Variants in FAM120B observed in about 807,000 individuals in gnomAD.
The protein encoded by FAM120B is family with sequence similarity 120 member B, also known as constitutive coactivator of peroxisome proliferator-activated receptor gamma.
Under a neutral mutation model 96.3 loss-of-function variants are expected in FAM120B, and 83 were observed. The observed-to-expected ratio is 0.86, with a 90% CI of 0.72 to 1.03. The LOEUF is 1.03. Ranked by LOEUF, FAM120B falls within the 50% of genes least tolerant of loss-of-function variation. The pLI, the probability that FAM120B is intolerant of heterozygous loss-of-function variation, is 0.00. For synonymous variants in FAM120B, 407 were observed against 402.7 expected, an observed-to-expected ratio of 1.01 and a Z score of -0.13; for missense variants, 1,027 against 1,121.2, an observed-to-expected ratio of 0.92 and a Z score of 1.20.
At chr6:170,320,171 A>G (rs538221489) in intron 2 of FAM120B, among the ~76,000 whole-genome samples, 43 of 152,310 alleles carry the variant, frequency 2.8e-4, no homozygotes, top group African/African-American at 9.9e-4. Context: ...TCCCAGCACT[A>G]TGAGCACCAC....
intron 3 of FAM120B, among the ~76,000 whole-genome samples, chr6:170,326,535 G>A (rs2115050313): frequency 6.6e-6 from 1 of 152,278 alleles, no homozygotes; most frequent in South Asian, 2.1e-4. Flanking sequence ...ATGAGGGGTT[G>A]GCACACTTTT....
intron 6 of FAM120B, among the ~76,000 whole-genome samples, chr6:170,368,646 G>A (rs1788953027): frequency 6.6e-6 from 1 of 152,176 alleles, no homozygotes; most frequent in Admixed American, 6.5e-5. Context: ...TCATTATTGG[G>A]CACTCAATAA....
At chr6:170,322,433 G>A (rs1785353279) in intron 2 of FAM120B, among the ~76,000 whole-genome samples, 1 of 152,188 alleles carries the variant, frequency 6.6e-6, no homozygotes. Context: ...TGTAAAGTGG[G>A]AGGCTGGGAA....
chr6:170,341,102 C>G (rs1786792623), intron 4 of FAM120B, among the ~76,000 whole-genome samples: 1 of 152,232 alleles, frequency 6.6e-6, no homozygotes, highest in Non-Finnish European at 1.5e-5. Context: ...AAGCTGCACC[C>G]ACAGCAGCCC....
upstream of FAM120B, among the ~76,000 whole-genome samples, chr6:170,293,447 C>A (rs1273936910): frequency 2.0e-5 from 3 of 152,126 alleles, no homozygotes; most frequent in African/African-American, 7.2e-5. Flanking sequence ...AAATCTCTAA[C>A]AAACCCCCCT....
intron 3 of FAM120B, among the ~76,000 whole-genome samples, chr6:170,324,321 T>G (rs1007594174): frequency 6.6e-6 from 1 of 152,198 alleles, no homozygotes; most frequent in Non-Finnish European, 1.5e-5. Flanking sequence ...CCATACATAC[T>G]GCAAGAGTTC....
intron 4 of FAM120B, among the ~76,000 whole-genome samples, chr6:170,334,660 C>T (rs930056435): frequency 2.6e-5 from 4 of 152,126 alleles, no homozygotes; most frequent in Admixed American, 6.6e-5. Flanking sequence ...GAAACTGCCC[C>T]GACCATTGCA....
At chr6:170,368,819 C>CCG (rs146799172) in intron 6 of FAM120B, among the ~76,000 whole-genome samples, 9 of 26,124 alleles carry the variant, frequency 3.4e-4, no homozygotes, top group African/African-American at 6.0e-4. Context: ...TCTGCCGGGG[C>CCG]TGGGGGGGGG....
In FAM120B at chr6:170,358,278, G is replaced by A. The variant is rs1314161259; in HGVS notation, c.2243G>A (p.Cys748Tyr). The change falls in exon 6 of 11, where the codon TGC becomes TAC. Residue 748 changes from cysteine to tyrosine, a missense_variant. By Grantham distance (194) the Cys-to-Tyr change is radical (BLOSUM62 -2). Around this residue, in one of 3 missense-constraint regions of FAM120B, gnomAD observed 880 missense variants for 980.9 expected, o/e 0.90. Coordinates refer to ENST00000476287, the MANE Select transcript of FAM120B (RefSeq NM_032448.3). ...DLHAFIAQAL[C>Y]LQGKSTSQLV... ...CATGCGTTTATTGCGCAGGCCTTGT[G>A]CCTCCAAGGAAAATCCACCTCGCAG... is the stretch of plus-strand genomic sequence containing the variant. 2 of 1,607,322 alleles carry A rather than the reference G, an allele frequency of 1.2e-6. No individual in the cohort carries two copies.
intron 6 of FAM120B, among the ~76,000 whole-genome samples, chr6:170,362,042 C>A (rs779110353): frequency 6.6e-6 from 1 of 152,192 alleles, no homozygotes; most frequent in Non-Finnish European, 1.5e-5. Context: ...GATCTACTCA[C>A]CTCAGCCTCT....
chr6:170,369,063 A>C (rs1294357270), intron 6 of FAM120B, among the ~76,000 whole-genome samples: 6 of 152,126 alleles, frequency 3.9e-5, no homozygotes, highest in Admixed American at 3.9e-4. Context: ...AGAAATAGAA[A>C]TCTTGAATGT....
chr6:170,323,898 AG>A (rs1222948143), intron 3 of FAM120B, among the ~76,000 whole-genome samples: 7 of 152,202 alleles, frequency 4.6e-5, no homozygotes, highest in Non-Finnish European at 7.3e-5. Context: ...GGAGTGTGGA[AG>A]AACACTTCAT....
intron 9 of FAM120B, 97 bp downstream of exon 9, chr6:170,395,676 G>A (rs982364082): frequency 4.9e-6 from 4 of 815,674 alleles, no homozygotes; most frequent in Non-Finnish European, 8.2e-6. Context: ...TTTCAGAAAG[G>A]TTGTATAGTT....
intron 6 of FAM120B, among the ~76,000 whole-genome samples, chr6:170,377,327 G>A (rs1789604909): frequency 1.4e-5 from 2 of 142,146 alleles, no homozygotes; most frequent in Non-Finnish European, 3.0e-5. Context: ...ACAGGCTCAC[G>A]CTGCTCGGTG....
chr6:170,398,939 A>G (rs28492085), intron 9 of FAM120B, among the ~76,000 whole-genome samples: 677 of 109,906 alleles, frequency 6.2e-3, no homozygotes, highest in African/African-American at 0.012. Flanking sequence ...GGAGTGAGTG[A>G]GAAAGGTAGA....
chr6:170,403,915 G>A (rs1223109833), intron 9 of FAM120B, among the ~76,000 whole-genome samples: 1 of 152,192 alleles, frequency 6.6e-6, no homozygotes, highest in African/African-American at 2.4e-5. Context: ...GGAGGGGAGA[G>A]ACCCAGGCTG....
In FAM120B at chr6:170,404,631, A is replaced by C. The variant is rs776762199; in HGVS notation, c.*11+30A>C. 8.0e-6 allele frequency: 12 copies of C among 1,503,600 alleles called. No individual in the cohort carries two copies. In the East Asian group the frequency reaches 2.7e-4, roughly 34 times the overall value. The allele number at this position is 1,503,600 out of a possible 1,614,324, so 93.1% of individuals were successfully genotyped here. ...GTTCATCACCTGCATCTCCAGAAGA[A>C]ATCAGTCACATGTCTGTCTTAATAA... On this transcript the variant is annotated intron_variant, in intron 10 of 10. Transcript: ENST00000476287.
At chr6:170,304,457 C>T (rs182938549), upstream of FAM120B, among the ~76,000 whole-genome samples, 23 of 152,334 alleles carry the variant, frequency 1.5e-4, no homozygotes, top group Admixed American at 5.2e-4. Context: ...CCTTTCGATA[C>T]GAGAATGTAT....
At chr6:170,351,229 G>A (rs1283700007) in intron 5 of FAM120B, among the ~76,000 whole-genome samples, 2 of 152,130 alleles carry the variant, frequency 1.3e-5, no homozygotes, top group Non-Finnish European at 2.9e-5. Flanking sequence ...AATTAAGATA[G>A]GCAGACAAGA....
Sources: allele counts gnomAD v4.1 joint callset (sites outside exome capture counted in the v4.1 genomes callset), GRCh38; gene constraint gnomAD v4.1.1; regional missense constraint gnomAD v4.1.1; transcripts MANE v1.5; gene names NCBI Gene and HGNC (gene_info 2026-07-23, HGNC 2026-07-21).